LAMC1: variants seen among roughly 807,000 people sequenced by gnomAD.
The protein encoded by LAMC1 is laminin subunit gamma 1, also known as laminin subunit gamma-1.
In LAMC1, 38 loss-of-function variants were observed where a neutral mutation model predicts 173.6. The observed-to-expected ratio is 0.22, with a 90% CI of 0.17 to 0.29. The LOEUF is 0.29. Ranked by LOEUF, LAMC1 falls within the 10% of genes least tolerant of loss-of-function variation. LAMC1 has a pLI of 1.00. For synonymous variants in LAMC1, 746 were observed against 749.1 expected, an observed-to-expected ratio of 1.00 and a Z score of 0.07; for missense variants, 1,824 against 2,051.8, an observed-to-expected ratio of 0.89 and a Z score of 2.14.
intron 1 of LAMC1, among the ~76,000 whole-genome samples, chr1:183,072,273 C>T (rs538542679): frequency 8.3e-4 from 126 of 152,248 alleles, no homozygotes; most frequent in African/African-American, 2.8e-3. Context: ...ATTCCAAAGA[C>T]GATGAGGCAT....
chr1:183,143,003 C>T lies in LAMC1; in HGVS notation c.*213C>T, dbSNP rs1462614719. On this transcript the variant is annotated 3_prime_UTR_variant, in exon 28 of 28. Coordinates refer to ENST00000258341, the MANE Select transcript of LAMC1 (RefSeq NM_002293.4). ...AAGGGTTTTATCTAATAAAGTGTCT[C>T]TTCCATTCACGTTGCTACCTTACCC... is the stretch of plus-strand genomic sequence containing the variant. 3.8e-6 allele frequency: 2 copies of T among 522,054 alleles called. No homozygotes were observed. The highest frequency in any genetic ancestry group is 6.7e-6 in the Non-Finnish European group (2 of 297,570). The allele number at this position is 522,054 out of a possible 1,614,324, so 32.3% of individuals were successfully genotyped here. A position where few individuals can be genotyped will look rare whatever the true frequency, so the allele number is the denominator to read the frequency against.
chr1:183,077,636 T>G (rs869213296), intron 1 of LAMC1, among the ~76,000 whole-genome samples: 1 of 151,906 alleles, frequency 6.6e-6, no homozygotes, highest in Non-Finnish European at 1.5e-5. Context: ...CTCCCACATA[T>G]CAGTGAGAAC....
At chr1:183,138,110 T>G in intron 26 of LAMC1, 2 of 486,852 alleles carry the variant, frequency 4.1e-6, no homozygotes, top group Non-Finnish European at 2.7e-6. Context: ...GTGTTTATAT[T>G]TTTCACTGGG....
intron 3 of LAMC1, among the ~76,000 whole-genome samples, chr1:183,109,806 G>A (rs1656091951): frequency 6.6e-6 from 1 of 152,178 alleles, no homozygotes; most frequent in Non-Finnish European, 1.5e-5. Context: ...ATTTCCATGA[G>A]TCCTTAATTT....
intron 1 of LAMC1, among the ~76,000 whole-genome samples, chr1:183,094,683 A>G (rs1356768497): frequency 6.6e-6 from 1 of 152,220 alleles, no homozygotes; most frequent in African/African-American, 2.4e-5. Context: ...TGAGAAAGCC[A>G]TTTTAGTATG....
At chr1:183,117,062 A>G (rs1656343458) in intron 8 of LAMC1, 159 bp downstream of exon 8, 1 of 773,984 alleles carries the variant, frequency 1.3e-6, no homozygotes, top group Non-Finnish European at 2.0e-6. Context: ...TTTTAATTTA[A>G]TGAAAATGTA....
intron 5 of LAMC1, among the ~76,000 whole-genome samples, 182 bp from the exon 6 acceptor site, chr1:183,115,338 G>C (rs1197305047): frequency 6.6e-6 from 1 of 152,036 alleles, no homozygotes; most frequent in East Asian, 1.9e-4. Flanking sequence ...TGACTTAAAG[G>C]GTCATGATTT....
At chr1:183,086,564 C>T (rs764814139) in intron 1 of LAMC1, among the ~76,000 whole-genome samples, 1 of 152,138 alleles carries the variant, frequency 6.6e-6, no homozygotes, top group East Asian at 1.9e-4. Context: ...TTTGTAGACA[C>T]AGAAATCAAG....
At chr1:183,093,441 CT>C (rs1040414774) in intron 1 of LAMC1, among the ~76,000 whole-genome samples, 3 of 152,176 alleles carry the variant, frequency 2.0e-5, no homozygotes, top group African/African-American at 7.2e-5. Context: ...ACTTCAGTGG[CT>C]TTTCTCTCCA....
chr1:183,063,801 A>G (rs1474774599), intron 1 of LAMC1, among the ~76,000 whole-genome samples: 1 of 152,168 alleles, frequency 6.6e-6, no homozygotes, highest in Non-Finnish European at 1.5e-5. Context: ...TTTGCTTGAA[A>G]TCTTCCCCAG....
At chr1:183,078,922 GA>G (rs1000625996) in intron 1 of LAMC1, among the ~76,000 whole-genome samples, 4 of 152,140 alleles carry the variant, frequency 2.6e-5, no homozygotes, top group Non-Finnish European at 4.4e-5. Context: ...TTGAACCCAG[GA>G]GGCAGAGTTT....
Position 183,142,923 on chromosome 1 carries a change from A to G in LAMC1, c.*133A>G. On this transcript the variant is annotated 3_prime_UTR_variant, in exon 28 of 28. Coordinates refer to ENST00000258341, the MANE Select transcript of LAMC1 (RefSeq NM_002293.4). ...CTGTCCATGACTGTCCTTTTGAACC[A>G]GGAAAAGTCACAGAGTTTAAAGAGA... is the stretch of plus-strand genomic sequence containing the variant. 1 of 920,276 alleles carries G rather than the reference A, an allele frequency of 1.1e-6. No individual in the cohort carries two copies. The highest frequency in any genetic ancestry group is 1.6e-6 in the Non-Finnish European group (1 of 619,968). The allele number at this position is 920,276 out of a possible 1,614,324, so 57.0% of individuals were successfully genotyped here. A position where few individuals can be genotyped will look rare whatever the true frequency, so the allele number is the denominator to read the frequency against.
intron 13 of LAMC1, 140 bp from the exon 14 acceptor site, chr1:183,124,491 C>T (rs1410714691): frequency 3.1e-5 from 31 of 1,000,156 alleles, no homozygotes; most frequent in Non-Finnish European, 4.5e-5. Context: ...GCCAGGGCTG[C>T]AGCCCAGGTC....
intron 1 of LAMC1, among the ~76,000 whole-genome samples, chr1:183,096,821 G>A (rs1041970923): frequency 3.9e-5 from 6 of 152,224 alleles, no homozygotes; most frequent in African/African-American, 1.4e-4. Flanking sequence ...TAGGGGAAAG[G>A]AACAGGATAA....
intron 1 of LAMC1, among the ~76,000 whole-genome samples, chr1:183,074,405 C>T (rs539034564): frequency 1.3e-5 from 2 of 152,180 alleles, no homozygotes; most frequent in South Asian, 4.2e-4. Flanking sequence ...GTGTGTGCAC[C>T]CTTGGACATG....
chr1:183,110,767 G>A, intron 4 of LAMC1, 113 bp downstream of exon 4: 1 of 1,109,744 alleles, frequency 9.0e-7, no homozygotes, highest in Non-Finnish European at 1.3e-6. Context: ...TGAAAGGCCA[G>A]CTTTTTGTGT....
At chr1:183,078,438 C>T (rs1026328729) in intron 1 of LAMC1, among the ~76,000 whole-genome samples, 10 of 151,480 alleles carry the variant, frequency 6.6e-5, no homozygotes, top group African/African-American at 1.2e-4. Flanking sequence ...AAAAATTAGC[C>T]GGGTGTGGTG....
chr1:183,068,256 G>A (rs974486388), intron 1 of LAMC1, among the ~76,000 whole-genome samples: 1 of 151,882 alleles, frequency 6.6e-6, no homozygotes. Flanking sequence ...GTGTGTATGT[G>A]TGTGTGTAAA....
chr1:183,081,852 G>A (rs796971970), intron 1 of LAMC1, among the ~76,000 whole-genome samples: 1 of 152,208 alleles, frequency 6.6e-6, no homozygotes, highest in African/African-American at 2.4e-5. Flanking sequence ...TGCTGTTACA[G>A]TATCATTCAA....
Sources: allele counts gnomAD v4.1 joint callset (sites outside exome capture counted in the v4.1 genomes callset), GRCh38; gene constraint gnomAD v4.1.1; transcripts MANE v1.5; gene names NCBI Gene and HGNC (gene_info 2026-07-23, HGNC 2026-07-21).